Variants in SMG1 observed in about 807,000 individuals in gnomAD.
The protein encoded by SMG1 is serine/threonine-protein kinase SMG1.
A neutral mutation model predicts 419.9 loss-of-function variants in SMG1; 22 were observed. That is an observed-to-expected ratio of 0.05 (90% CI 0.04 to 0.07). The LOEUF is 0.07. SMG1 is among the 10% of genes least tolerant of loss of function. The pLI is 1.00. For synonymous variants in SMG1, 1,538 were observed against 1,553.5 expected, an observed-to-expected ratio of 0.99 and a Z score of 0.23; for missense variants, 3,185 against 4,342.0, an observed-to-expected ratio of 0.73 and a Z score of 7.49.
intron 1 of SMG1, among the ~76,000 whole-genome samples, chr16:18,905,757 C>A (rs1042265534): frequency 6.6e-6 from 1 of 151,672 alleles, no homozygotes; most frequent in Non-Finnish European, 1.5e-5. Flanking sequence ...GATTACAGGC[C>A]CCTGCTACCA....
At chr16:18,894,424 C>A (rs548800057) in intron 3 of SMG1, among the ~76,000 whole-genome samples, 1 of 152,110 alleles carries the variant, frequency 6.6e-6, no homozygotes, top group African/African-American at 2.4e-5. Context: ...AATTCTGTCA[C>A]TAGCAAACTA....
In SMG1 at chr16:18,815,578, T is replaced by C; in HGVS notation, c.10376A>G (p.Tyr3459Cys). ...TTGAATGTTGTCTTGCCATGATTTA[T>C]ATTCACCCAAAAACTGCCTAACACT... ...ENSVRQFLGE[Y>C]KSWQDNIQTV... Residue 3459 changes from tyrosine (Y) to cysteine (C), a missense_variant, in exon 59 of 63, where the codon TAT becomes TGT. Tyr to Cys is a radical substitution (Grantham distance 194). This residue lies in a region of SMG1 where 737 missense variants were observed against 846.6 expected (regional missense o/e 0.87). Coordinates refer to ENST00000446231, the MANE Select transcript of SMG1 (RefSeq NM_015092.5). 1 of 1,614,020 alleles carries C rather than the reference T, an allele frequency of 6.2e-7. No individual in the cohort carries two copies. The highest frequency in any genetic ancestry group is 1.1e-5 in the South Asian group (1 of 91,082).
At chr16:18,821,217 G>GTTTTTTTTTTT (rs2032501770) in intron 55 of SMG1, among the ~76,000 whole-genome samples, 1 of 31,732 alleles carries the variant, frequency 3.2e-5, no homozygotes, top group East Asian at 9.6e-4. Context: ...TATTTAGTAT[G>GTTTTTTTTTTT]TTTCTTTTTT....
At position 18,830,386 on chromosome 16, in the gene SMG1, G is replaced by C. The variant is rs556707340; in HGVS notation, c.8793-17C>G. 4.3e-6 allele frequency: 7 copies of C among 1,613,272 alleles called. No homozygotes were observed. The highest frequency in any genetic ancestry group is 1.3e-5 in the African/African-American group (1 of 74,882). On this transcript the variant is annotated splice_polypyrimidine_tract_variant and intron_variant, in intron 51 of 62. Coordinates refer to ENST00000446231, the MANE Select transcript of SMG1 (RefSeq NM_015092.5). ...TGTAGTAGTCTACAGAAAAACAAAA[G>C]GAGTTAAAACCTTCGCTGAAAAGTA...
At chr16:18,818,301 CT>C (rs2032200344) in intron 56 of SMG1, among the ~76,000 whole-genome samples, 1 of 152,124 alleles carries the variant, frequency 6.6e-6, no homozygotes, top group Non-Finnish European at 1.5e-5. Flanking sequence ...AGGAGAATCA[CT>C]TGAACTCGGG....
chr16:18,917,206 A>G (rs570570187), intron 1 of SMG1, among the ~76,000 whole-genome samples: 16 of 152,106 alleles, frequency 1.1e-4, no homozygotes, highest in African/African-American at 3.1e-4. Flanking sequence ...AGGCTGGAGT[A>G]CAATGGCCCG....
chr16:18,842,019 G>A (rs1463194059), intron 40 of SMG1, among the ~76,000 whole-genome samples, 189 bp downstream of exon 40: 1 of 152,148 alleles, frequency 6.6e-6, no homozygotes, highest in African/African-American at 2.4e-5. Context: ...CAAAGTGGGG[G>A]TGGAAAATCT....
At chr16:18,846,103 C>G (rs2034249614) in intron 38 of SMG1, among the ~76,000 whole-genome samples, 1 of 151,956 alleles carries the variant, frequency 6.6e-6, no homozygotes, top group Non-Finnish European at 1.5e-5. Context: ...TATGAGTCAC[C>G]GTGTCCAGCC....
In SMG1 at chr16:18,833,068, G is replaced by A. The variant is rs755001924; in HGVS notation, c.8664C>T (p.Asp2888=). 27 of 1,613,616 alleles carry A rather than the reference G, an allele frequency of 1.7e-5. No homozygotes were observed. In the East Asian group the frequency reaches 2.2e-4, roughly 13 times the overall value. Residue 2888 remains aspartate (D), a synonymous_variant, in exon 51 of 63, where the codon GAC becomes GAT. Coordinates refer to ENST00000446231, the MANE Select transcript of SMG1 (RefSeq NM_015092.5). ...CATCGGTGGTCTGCTCAATAAGACC[G>A]TCCAGTTCATGCAGCATACTTTCTA... ...YTLESMLHEL[D]GLIEQTTDGV... is the part of the protein sequence containing the mutation.
intron 23 of SMG1, among the ~76,000 whole-genome samples, 158 bp from the exon 24 acceptor site, chr16:18,864,302 T>G (rs1419576286): frequency 6.6e-6 from 1 of 151,144 alleles, no homozygotes; most frequent in Admixed American, 6.6e-5. Flanking sequence ...TACAAGCGAT[T>G]TTCCCACCTC....
At chr16:18,833,538 T>G (rs1412375266) in intron 50 of SMG1, among the ~76,000 whole-genome samples, 1 of 150,632 alleles carries the variant, frequency 6.6e-6, no homozygotes, top group African/African-American at 2.4e-5. Context: ...TCTTTTTGGT[T>G]TGGTTATAAG....
Position 18,879,638 on chromosome 16 carries a change from A to C in SMG1, c.1375T>G (p.Cys459Gly), listed in dbSNP as rs1442069355. The change falls in exon 11 of 63, where the codon TGT becomes GGT. Residue 459 changes from cysteine (C) to glycine (G), a missense_variant. Physicochemically the swap from Cys to Gly is radical, Grantham distance 159. Transcript: ENST00000446231. ...SEAVLTAANE[C>G]VGVLLGSLDP... ...AAGCTGCCGAGCAAAACACCAACAC[A>C]CTCATTAGCAGCTGTCAACACAGCC... The C allele has an allele frequency of 1.3e-6, 2 of 1,508,634 alleles. No homozygotes were observed. Among genetic ancestry groups the C allele is most frequent in the South Asian group, 1.2e-5 (1 of 84,834 alleles). The allele number at this position is 1,508,634 out of a possible 1,614,324, so 93.5% of individuals were successfully genotyped here.
At chr16:18,876,035 CA>C in intron 13 of SMG1, 88 bp downstream of exon 13, 2 of 1,387,448 alleles carry the variant, frequency 1.4e-6, no homozygotes, top group Non-Finnish European at 2.0e-6. Flanking sequence ...ATTCTGCAGA[CA>C]TCTTGACATG....
rs941105513 is a variant in SMG1, at chr16:18,808,467, A to G, written c.*1102T>C. 2.2e-4 allele frequency: 33 copies of G among 152,322 alleles called. No homozygotes were observed. Among genetic ancestry groups the G allele is most frequent in the African/African-American group, 7.0e-4 (29 of 41,570 alleles). The allele number at this position is 152,322 out of a possible 1,614,324, so 9.4% of individuals were successfully genotyped here. A position where few individuals can be genotyped will look rare whatever the true frequency, so the allele number is the denominator to read the frequency against. ...CAGAACATCACTTTATTGTTAATCT[A>G]TCATCAACAATGTAAAACTCTAATA... On this transcript the variant is annotated 3_prime_UTR_variant, in exon 63 of 63. Transcript: ENST00000446231.
At chr16:18,888,405 T>G (rs2036731085) in intron 6 of SMG1, among the ~76,000 whole-genome samples, 1 of 151,098 alleles carries the variant, frequency 6.6e-6, no homozygotes. Context: ...GTTCCTATTT[T>G]CAAATTTGCA....
At chr16:18,848,694 C>T (rs1367117226) in intron 36 of SMG1, among the ~76,000 whole-genome samples, 1 of 152,080 alleles carries the variant, frequency 6.6e-6, no homozygotes, top group African/African-American at 2.4e-5. Flanking sequence ...GGATTACTGT[C>T]AAGGCTACAG....
chr16:18,883,138 A>C (rs2036472382), intron 9 of SMG1, among the ~76,000 whole-genome samples: 1 of 152,230 alleles, frequency 6.6e-6, no homozygotes, highest in South Asian at 2.1e-4. Context: ...AAAGATGAAA[A>C]AAACAAAATG....
chr16:18,865,119 T>C (rs541727976), intron 23 of SMG1, among the ~76,000 whole-genome samples: 4 of 152,152 alleles, frequency 2.6e-5, no homozygotes, highest in African/African-American at 7.2e-5. Flanking sequence ...AATCAAGAAA[T>C]TGGATAGCAT....
At chr16:18,915,311 A>G (rs1422964428) in intron 1 of SMG1, among the ~76,000 whole-genome samples, 6 of 151,652 alleles carry the variant, frequency 4.0e-5, no homozygotes, top group Non-Finnish European at 8.8e-5. Context: ...AGATCTGGCC[A>G]CTCCAGTCCA....
Sources: gnomAD v4.1 joint callset for allele counts (sites outside exome capture counted in the v4.1 genomes callset) on GRCh38, gnomAD v4.1.1 for gene constraint, gnomAD v4.1.1 regional missense constraint, MANE v1.5 for transcripts, NCBI Gene and HGNC (gene_info 2026-07-23, HGNC 2026-07-21) for gene names.